Variants in MORN1 observed in about 807,000 individuals in gnomAD.
MORN1 encodes MORN repeat-containing protein 1.
MORN1 carries 67 observed loss-of-function variants against 61.9 expected under a neutral mutation model. The ratio of observed to expected loss-of-function variants is 1.08; its 90% CI spans 0.89 to 1.33. The LOEUF is 1.33. MORN1 is among the 40% of genes most tolerant of loss of function. The pLI is 0.00. For missense variants in MORN1, 752 were observed against 691.2 expected, an observed-to-expected ratio of 1.09 and a Z score of -0.99; for synonymous variants, 301 against 292.0, an observed-to-expected ratio of 1.03 and a Z score of -0.31.
chr1:2,329,907 T>G (rs1230974307), intron 12 of MORN1, among the ~76,000 whole-genome samples: 1 of 152,186 alleles, frequency 6.6e-6, no homozygotes, highest in Non-Finnish European at 1.5e-5. Flanking sequence ...GCTGGGCTGC[T>G]GGGCTGACTG....
At chr1:2,387,361 G>T in intron 4 of MORN1, 58 bp downstream of exon 4, 1 of 1,271,256 alleles carries the variant, frequency 7.9e-7, no homozygotes, top group South Asian at 1.2e-5. Flanking sequence ...GTGGACGTAG[G>T]ATTCCATGTC....
At chr1:2,336,657 G>C in intron 11 of MORN1, 60 bp downstream of exon 11, 1 of 1,567,748 alleles carries the variant, frequency 6.4e-7, no homozygotes, top group Non-Finnish European at 8.7e-7. Flanking sequence ...TGAGGTGGTG[G>C]GTGGGCAGGG....
At chr1:2,371,341 A>G (rs1028526944) in intron 8 of MORN1, 1 of 152,230 alleles carries the variant, frequency 6.6e-6, no homozygotes, top group Admixed American at 6.5e-5. Context: ...CTGATAGTCT[A>G]ATTTTTAAAA....
At chr1:2,366,328 G>C (rs1641994993) in intron 8 of MORN1, among the ~76,000 whole-genome samples, 1 of 150,874 alleles carries the variant, frequency 6.6e-6, no homozygotes, top group Admixed American at 6.6e-5. Flanking sequence ...GGACTGTTGT[G>C]GGGTGGGGGG....
intron 10 of MORN1, chr1:2,352,154 T>A (rs773180459): frequency 8.6e-6 from 3 of 349,152 alleles, no homozygotes; most frequent in Non-Finnish European, 1.6e-5. Context: ...TGGTTCTGCA[T>A]TAATAATAGC....
At chr1:2,344,483 G>A (rs1641466178) in intron 10 of MORN1, among the ~76,000 whole-genome samples, 1 of 152,222 alleles carries the variant, frequency 6.6e-6, no homozygotes, top group Non-Finnish European at 1.5e-5. Context: ...CGGGGTGTGG[G>A]GTGCAGGAGC....
intron 10 of MORN1, among the ~76,000 whole-genome samples, chr1:2,353,477 G>A (rs1336890081): frequency 1.3e-5 from 2 of 152,240 alleles, no homozygotes; most frequent in East Asian, 1.9e-4. Context: ...AGCTGCCTCC[G>A]ACCTCGGGGT....
intron 12 of MORN1, among the ~76,000 whole-genome samples, chr1:2,327,643 TGC>T (rs1381981517): frequency 6.6e-6 from 1 of 152,148 alleles, no homozygotes; most frequent in African/African-American, 2.4e-5. Context: ...GAGTGGCCCG[TGC>T]GGCTTTTAGA....
intron 8 of MORN1, among the ~76,000 whole-genome samples, chr1:2,367,754 A>G (rs1642028040): frequency 6.6e-6 from 1 of 151,888 alleles, no homozygotes; most frequent in Non-Finnish European, 1.5e-5. Flanking sequence ...CAGCCTCTCA[A>G]GTAGCTGGGA....
intron 12 of MORN1, among the ~76,000 whole-genome samples, chr1:2,330,181 C>T (rs1569918364): frequency 6.6e-6 from 1 of 152,358 alleles, no homozygotes; most frequent in Middle Eastern, 3.4e-3. Context: ...AGGCCTGCCC[C>T]TAACTGGCCA....
chr1:2,373,137 G>GC, intron 7 of MORN1, among the ~76,000 whole-genome samples: 1 of 151,932 alleles, frequency 6.6e-6, no homozygotes, highest in Non-Finnish European at 1.5e-5. Flanking sequence ...CACCGCCCCT[G>GC]CCCCCACCTG....
At chr1:2,329,710 C>T (rs901629508) in intron 12 of MORN1, among the ~76,000 whole-genome samples, 6 of 152,156 alleles carry the variant, frequency 3.9e-5, no homozygotes, top group South Asian at 2.1e-4. Flanking sequence ...GCAGGTGAGC[C>T]GAGCAGGCCG....
rs12075506 is a variant in MORN1 at position 2,370,110 on chromosome 1, A to G, written c.745+2371T>C. Among the ~76,000 whole-genome samples, 439 of 152,360 alleles carry G rather than the reference A, an allele frequency of 2.9e-3. 2 individuals carry two copies. The highest frequency in any genetic ancestry group is 9.6e-3 in the African/African-American group (401 of 41,574). On this transcript the variant is annotated intron_variant, in intron 8 of 13. Transcript: ENST00000378531. ...CGTGCTAAAAGCAACAAGAATCCAGATAGCGTGGCCCTGGCATAGACTGAG... is the reference window on the plus strand; with the variant it reads ...CGTGCTAAAAGCAACAAGAATCCAGGTAGCGTGGCCCTGGCATAGACTGAG...
intron 1 of MORN1, among the ~76,000 whole-genome samples, chr1:2,390,290 G>A (rs1328899053): frequency 2.0e-5 from 3 of 152,214 alleles, no homozygotes; most frequent in Non-Finnish European, 4.4e-5. Context: ...GAGACCAGAG[G>A]TGCTCGGGAG....
intron 6 of MORN1, chr1:2,375,456 G>C (rs1421926674): frequency 2.0e-5 from 3 of 152,542 alleles, no homozygotes; most frequent in African/African-American, 7.2e-5. Context: ...TGGCAGATCA[G>C]GGACAAGTGG....
chr1:2,332,300 G>A (rs1477021749), intron 12 of MORN1: 4 of 282,454 alleles, frequency 1.4e-5, no homozygotes, highest in Non-Finnish European at 2.8e-5. Context: ...GCTGTTCTGA[G>A]GGACAGGGGG....
At chr1:2,331,340 G>T (rs1188684575) in intron 12 of MORN1, among the ~76,000 whole-genome samples, 1 of 152,220 alleles carries the variant, frequency 6.6e-6, no homozygotes, top group African/African-American at 2.4e-5. Context: ...GGCCCTCCAC[G>T]CCTGGACTTG....
At chr1:2,323,732 C>T (rs1026118751) in intron 13 of MORN1, 1 of 985,270 alleles carries the variant, frequency 1.0e-6, no homozygotes, top group Non-Finnish European at 1.2e-6. Context: ...TGGGGAGCAG[C>T]TCCTCATGGT....
intron 10 of MORN1, among the ~76,000 whole-genome samples, chr1:2,344,932 C>T (rs11589451): frequency 0.17 from 25,269 of 152,106 alleles, 2,251 homozygotes; most frequent in Non-Finnish European, 0.21. Flanking sequence ...TCAGCCCCCG[C>T]GAGGGTCCAC....
Sources: allele counts gnomAD v4.1 joint callset (sites outside exome capture counted in the v4.1 genomes callset), GRCh38; gene constraint gnomAD v4.1.1; transcripts MANE v1.5; gene names NCBI Gene and HGNC (gene_info 2026-07-23, HGNC 2026-07-21).